WDR91: variants seen among roughly 807,000 people sequenced by gnomAD.
WDR91 encodes WD repeat domain 91.
A neutral mutation model predicts 88.4 loss-of-function variants in WDR91; 52 were observed. The observed-to-expected ratio is 0.59, with a 90% CI of 0.47 to 0.74. WDR91 has a LOEUF of 0.74. Among genes scored for constraint, WDR91 ranks in the 30% least tolerant of loss-of-function variants. The probability of loss-of-function intolerance (pLI) is 0.00; values close to 1 mark genes in which losing one functional copy is unlikely to be tolerated. For missense variants in WDR91, 824 were observed against 954.5 expected, an observed-to-expected ratio of 0.86 and a Z score of 1.80; for synonymous variants, 362 against 389.5, an observed-to-expected ratio of 0.93 and a Z score of 0.83.
In WDR91 at chr7:135,209,723, T is replaced by C; in HGVS notation, c.156A>G (p.Leu52=). ...VDKIVDQLQQ[L]MQVYDLAALR... ...GGGCAGCCAAGTCATACACCTGCAT[T>C]AACTGCTGCAGCTGGTCCACAATCT... The change falls in exon 2 of 15, where the codon TTA becomes TTG. Residue 52 remains leucine (L), a synonymous_variant. Transcript: ENST00000354475. The C allele has an allele frequency of 1.2e-6, 2 of 1,610,360 alleles. No individual in the cohort carries two copies. Among genetic ancestry groups the C allele is most frequent in the Non-Finnish European group, 1.7e-6 (2 of 1,178,476 alleles).
intron 11 of WDR91, among the ~76,000 whole-genome samples, chr7:135,192,704 A>G (rs1831214218): frequency 6.6e-6 from 1 of 152,236 alleles, no homozygotes; most frequent in Non-Finnish European, 1.5e-5. Context: ...TAAGCAGTGA[A>G]ACGAATCATT....
chr7:135,204,544 G>A, intron 5 of WDR91, 111 bp from the exon 6 acceptor site: 1 of 1,199,486 alleles, frequency 8.3e-7, no homozygotes, highest in East Asian at 2.5e-5. Context: ...CCTGGGTCAG[G>A]TCCAAGAGCC....
At chr7:135,200,187 T>A (rs1020289421) in intron 6 of WDR91, 3 of 152,190 alleles carry the variant, frequency 2.0e-5, no homozygotes, top group Non-Finnish European at 4.4e-5. Flanking sequence ...AACTTTTTAA[T>A]AAGTAGGTGA....
rs529778835 is a variant in WDR91, at chr7:135,208,355, C to T, written c.511+436G>A. ...GAAGTTACTATTAGAGACAATAACC[C>T]AAACACTAACACAGACAGAAGTTCC... On this transcript the variant is annotated intron_variant, in intron 3 of 14. Transcript: ENST00000354475. Among the ~76,000 whole-genome samples, 3 of 152,316 alleles carry T rather than the reference C, an allele frequency of 2.0e-5. No individual in the cohort carries two copies. The South Asian group carries it at 6.2e-4, about 32-fold the overall frequency.
chr7:135,204,476 A>G lies in WDR91; in HGVS notation c.726-43T>C, dbSNP rs201751158. ...CACAGGGTCAGAGGGCTGAAACAGG[A>G]TGTGGAAAAACCAAGAACATAGACC... On this transcript the variant is annotated intron_variant, in intron 5 of 14. Transcript: ENST00000354475. 4.8e-5 allele frequency: 77 copies of G among 1,603,846 alleles called. No individual in the cohort carries two copies. In the African/African-American group the frequency reaches 8.7e-4, roughly 18 times the overall value.
chr7:135,204,362 A>T lies in WDR91; in HGVS notation c.797T>A (p.Leu266Gln). Reference protein sequence around the residue: ...SPRVGFLSSLLPQSKKSPSRL... With the variant: ...SPRVGFLSSLQPQSKKSPSRL... ...TGAGGGGCTCTTCTTACTCTGAGGC[A>T]GCAGCGAGGACAGGAAGCCCACACG... Residue 266 changes from leucine (L) to glutamine (Q), a missense_variant, in exon 6 of 15, where the codon CTG (leucine) becomes CAG (glutamine). Coordinates refer to ENST00000354475, the MANE Select transcript of WDR91 (RefSeq NM_014149.4). 6.2e-7 allele frequency: 1 copy of T among 1,614,234 alleles called. No individual in the cohort carries two copies. Among genetic ancestry groups the T allele is most frequent in the Non-Finnish European group, 8.5e-7 (1 of 1,180,042 alleles).
chr7:135,187,684 C>T (rs977632855), intron 13 of WDR91, among the ~76,000 whole-genome samples: 3 of 152,176 alleles, frequency 2.0e-5, no homozygotes, highest in Non-Finnish European at 4.4e-5. Flanking sequence ...CCATTATAAA[C>T]TCAGCTTCTT....
intron 4 of WDR91, 47 bp downstream of exon 4, chr7:135,207,073 C>G (rs1052784655): frequency 1.9e-6 from 3 of 1,539,234 alleles, no homozygotes; most frequent in Admixed American, 1.7e-5. Context: ...ATTTCACACA[C>G]AAAAAGCAGA....
chr7:135,193,610 G>C lies in WDR91; in HGVS notation c.1458C>G (p.Leu486=). ...TGTTGTCGTTGATATTGATTTCACA[G>C]AGATTCTTCTTGGCTTCCGTGTCAT... ...RLYDTEAKKN[L]CEININDNMP... The change falls in exon 10 of 15, where the codon CTC becomes CTG. Residue 486 remains leucine, a synonymous_variant. Coordinates refer to ENST00000354475, the MANE Select transcript of WDR91 (RefSeq NM_014149.4). 2 of 1,614,174 alleles carry C rather than the reference G, an allele frequency of 1.2e-6. No individual in the cohort carries two copies. Among genetic ancestry groups the C allele is most frequent in the Non-Finnish European group, 8.5e-7 (1 of 1,179,992 alleles).
intron 6 of WDR91, among the ~76,000 whole-genome samples, chr7:135,200,940 C>T (rs923069395): frequency 6.6e-6 from 1 of 152,144 alleles, no homozygotes; most frequent in Non-Finnish European, 1.5e-5. Context: ...AACAAAGCTA[C>T]CCAGAAAACA....
intron 3 of WDR91, among the ~76,000 whole-genome samples, chr7:135,208,031 G>A (rs1427965471): frequency 2.0e-5 from 3 of 152,134 alleles, no homozygotes; most frequent in Non-Finnish European, 4.4e-5. Flanking sequence ...GGCAGGAAAG[G>A]TGCCCTTCCC....
At chr7:135,210,929 TCCCTGACGAGG>T in intron 1 of WDR91, 1 of 703,508 alleles carries the variant, frequency 1.4e-6, no homozygotes, top group Non-Finnish European at 2.6e-6. Flanking sequence ...TGCCGATGAG[TCCCTGACGAGG>T]CCATTTTAAA....
chr7:135,188,551 G>A lies in WDR91; in HGVS notation c.1769-6C>T. On this transcript the variant is annotated splice_polypyrimidine_tract_variant and splice_region_variant and intron_variant, in intron 12 of 14. Transcript: ENST00000354475. ...GCACTCATGCTGCTGCATGTCTGAG[G>A]CAATGAGACACGGCCACTCACATCC... 1 of 1,610,628 alleles carries A rather than the reference G, an allele frequency of 6.2e-7. No homozygotes were observed. Among genetic ancestry groups the A allele is most frequent in the Non-Finnish European group, 8.5e-7 (1 of 1,178,072 alleles).
intron 11 of WDR91, among the ~76,000 whole-genome samples, chr7:135,190,697 CT>C (rs1362608055): frequency 6.6e-6 from 1 of 152,028 alleles, no homozygotes; most frequent in Non-Finnish European, 1.5e-5. Flanking sequence ...AGGTGAGCTT[CT>C]AAAAATGAGA....
intron 3 of WDR91, among the ~76,000 whole-genome samples, chr7:135,207,564 G>C (rs1158449735): frequency 6.6e-6 from 1 of 152,216 alleles, no homozygotes; most frequent in East Asian, 1.9e-4. Flanking sequence ...ACTACATTCA[G>C]CTAAAAGCAG....
At chr7:135,201,730 A>AAT (rs1831577905) in intron 6 of WDR91, among the ~76,000 whole-genome samples, 1 of 152,262 alleles carries the variant, frequency 6.6e-6, no homozygotes. Flanking sequence ...TGACATGCTT[A>AAT]ATATGCACTT....
intron 6 of WDR91, chr7:135,201,593 G>A (rs1388902921): frequency 1.3e-5 from 2 of 152,118 alleles, no homozygotes; most frequent in African/African-American, 2.4e-5. Context: ...TTTAAGATAG[G>A]AAAGTCTAAT....
intron 7 of WDR91, chr7:135,197,059 G>A (rs1030103524): frequency 1.3e-5 from 2 of 152,270 alleles, no homozygotes; most frequent in African/African-American, 4.8e-5. Flanking sequence ...CACAATCCAG[G>A]CTGGGGGCAT....
chr7:135,211,095 T>A (rs1476534570), intron 1 of WDR91, among the ~76,000 whole-genome samples: 2 of 152,308 alleles, frequency 1.3e-5, no homozygotes, highest in East Asian at 3.9e-4. Context: ...ATCGCCATCC[T>A]GGCCAAGGAG....
Sources: gnomAD v4.1 joint callset for allele counts (sites outside exome capture counted in the v4.1 genomes callset) on GRCh38, gnomAD v4.1.1 for gene constraint, MANE v1.5 for transcripts, NCBI Gene and HGNC (gene_info 2026-07-23, HGNC 2026-07-21) for gene names.